The following ASPSCR1 variants were observed in gnomAD, a reference collection of about 807,000 sequenced individuals.
ASPSCR1 encodes the protein tether containing UBX domain for GLUT4.
A neutral mutation model predicts 68.9 loss-of-function variants in ASPSCR1; 55 were observed. The observed-to-expected ratio is 0.80, with a 90% CI of 0.64 to 1.00. The LOEUF (loss-of-function observed/expected upper bound fraction) is 1.00. Ranked by LOEUF, ASPSCR1 falls within the 50% of genes least tolerant of loss-of-function variation. The pLI is 0.00. For missense variants in ASPSCR1, 765 were observed against 762.2 expected, an observed-to-expected ratio of 1.00 and a Z score of -0.04; for synonymous variants, 352 against 332.6, an observed-to-expected ratio of 1.06 and a Z score of -0.63.
intron 2 of ASPSCR1, among the ~76,000 whole-genome samples, chr17:81,981,152 A>G (rs751410953): frequency 1.3e-5 from 2 of 152,314 alleles, no homozygotes; most frequent in Non-Finnish European, 2.9e-5. Flanking sequence ...AAACCGCAAG[A>G]GAGAAGGGCC....
intron 2 of ASPSCR1, among the ~76,000 whole-genome samples, chr17:81,981,511 TGGG>T (rs1172420564): frequency 1.3e-5 from 2 of 152,212 alleles, no homozygotes; most frequent in African/African-American, 4.8e-5. Flanking sequence ...CCCGAGTAGC[TGGG>T]ATTACAGGCG....
At chr17:81,984,539 C>T (rs982522415) in intron 3 of ASPSCR1, among the ~76,000 whole-genome samples, 3 of 151,386 alleles carry the variant, frequency 2.0e-5, no homozygotes, top group Non-Finnish European at 4.4e-5. Flanking sequence ...ATTGTGCTGC[C>T]ACTGCACTCC....
intron 7 of ASPSCR1, among the ~76,000 whole-genome samples, chr17:81,997,404 T>C (rs1237102363): frequency 1.3e-5 from 2 of 151,846 alleles, no homozygotes; most frequent in Non-Finnish European, 2.9e-5. Flanking sequence ...CAATCTGGTC[T>C]GGAATCAAGC....
intron 12 of ASPSCR1, chr17:82,014,568 G>T: frequency 6.2e-6 from 1 of 162,206 alleles, no homozygotes. Context: ...CCTTCCTCCC[G>T]GGCACGGTGG....
chr17:81,989,515 T>A (rs188780858), intron 4 of ASPSCR1, among the ~76,000 whole-genome samples: 2 of 152,278 alleles, frequency 1.3e-5, no homozygotes, highest in East Asian at 3.9e-4. Flanking sequence ...CTTTCATGTG[T>A]TTCGGAGGAG....
At chr17:82,002,828 G>T (rs1207360437) in intron 7 of ASPSCR1, among the ~76,000 whole-genome samples, 2 of 152,072 alleles carry the variant, frequency 1.3e-5, no homozygotes, top group African/African-American at 4.8e-5. Context: ...AAATTGTTAG[G>T]ATTACAGGCG....
intron 7 of ASPSCR1, chr17:82,006,208 AC>A (rs2042712892): frequency 9.8e-6 from 1 of 101,850 alleles, no homozygotes; most frequent in Admixed American, 1.0e-4. Flanking sequence ...TTGCATGTGC[AC>A]AGGTGTGTGT....
intron 5 of ASPSCR1, among the ~76,000 whole-genome samples, chr17:81,995,715 G>C (rs1226781255): frequency 6.6e-6 from 1 of 152,250 alleles, no homozygotes; most frequent in Non-Finnish European, 1.5e-5. Context: ...AGCTCTGCCA[G>C]CCCAGGCCTC....
intron 4 of ASPSCR1, among the ~76,000 whole-genome samples, chr17:81,993,202 T>TTTTTG (rs1160848650): frequency 2.0e-5 from 3 of 152,100 alleles, no homozygotes; most frequent in South Asian, 2.1e-4. Flanking sequence ...CCTGCCCTTT[T>TTTTTG]TTTTGTTTTG....
At chr17:82,015,275 C>T (rs1185256372) in intron 12 of ASPSCR1, 3 of 1,598,276 alleles carry the variant, frequency 1.9e-6, no homozygotes, top group East Asian at 2.2e-5. Flanking sequence ...TCTGCCGACC[C>T]TCCTCTCCAC....
intron 7 of ASPSCR1, chr17:82,005,637 T>G (rs1386255086): frequency 1.3e-5 from 2 of 152,204 alleles, no homozygotes; most frequent in Non-Finnish European, 2.9e-5. Context: ...CCGCTGGCCC[T>G]CCGTCTGCTT....
rs1314682197 is a variant in ASPSCR1, at chr17:82,017,311, A to C, written c.1651A>C (p.Ser551Arg). The C allele has an allele frequency of 6.2e-7, 1 of 1,611,512 alleles. No individual in the cohort carries two copies. Among genetic ancestry groups the C allele is most frequent in the South Asian group, 1.1e-5 (1 of 91,084 alleles). Residue 551 changes from serine to arginine, a missense_variant and splice_region_variant, in exon 16 of 16, where the codon AGC becomes CGC. Coordinates refer to ENST00000306739, the MANE Select transcript of ASPSCR1 (RefSeq NM_024083.4). ...KVPKWLKLPA[S>R]KR ...ACCCTGATGTGTCTGCACTACAGCC[A>C]GCAAGAGGTGAGAGCTGCCAGCCTG...
In ASPSCR1 at chr17:81,983,595, T is replaced by C; in HGVS notation, c.200T>C (p.Phe67Ser). The C allele has an allele frequency of 6.2e-7, 1 of 1,613,588 alleles. No individual in the cohort carries two copies. The highest frequency in any genetic ancestry group is 8.5e-7 in the Non-Finnish European group (1 of 1,179,940). The part of the protein sequence containing the change: ...SVLDLSLQWR[F>S]ANLPNNAKLE... ...CTCGACCTTTCTCTCCAGTGGAGAT[T>C]TGCCAACCTGCCCAACAATGCCAAG... Residue 67 changes from phenylalanine to serine, a missense_variant, in exon 3 of 16, where the codon TTT becomes TCT. Physicochemically the swap from Phe to Ser is radical, Grantham distance 155. Transcript: ENST00000306739. This position sits in a 1 kb window ranked among gnomAD's most constrained non-coding sequence, Gnocchi z 4.4.
At chr17:81,985,710 G>A in intron 4 of ASPSCR1, 103 bp downstream of exon 4, 4 of 1,161,326 alleles carry the variant, frequency 3.4e-6, no homozygotes. Flanking sequence ...CTCTGTGCTG[G>A]CCTGTGGTGC....
chr17:81,997,489 T>G (rs1170617604), intron 7 of ASPSCR1, among the ~76,000 whole-genome samples: 17 of 144,076 alleles, frequency 1.2e-4, no homozygotes, highest in African/African-American at 3.3e-4. Flanking sequence ...TTTTCTGGGT[T>G]TTTTTTTTTT....
chr17:81,985,393 C>A (rs56325683), intron 3 of ASPSCR1, 114 bp from the exon 4 acceptor site: 51,226 of 1,124,872 alleles, frequency 0.046, 2,703 homozygotes, highest in African/African-American at 0.21. Context: ...CAGCCTCTCC[C>A]TGGAGGCCAG....
At chr17:82,014,406 CTG>C (rs1029984534) in intron 12 of ASPSCR1, 2 of 154,186 alleles carry the variant, frequency 1.3e-5, no homozygotes, top group Non-Finnish European at 2.9e-5. Flanking sequence ...CACTCCCGCT[CTG>C]TGGGTGGATG....
At chr17:81,991,774 C>T (rs1462592502) in intron 4 of ASPSCR1, among the ~76,000 whole-genome samples, 2 of 152,240 alleles carry the variant, frequency 1.3e-5, no homozygotes, top group Admixed American at 1.3e-4. Flanking sequence ...GGCCTGCAGC[C>T]ACAGCTTCTG....
chr17:82,014,979 G>A (rs2043072297), intron 12 of ASPSCR1: 9 of 1,364,178 alleles, frequency 6.6e-6, no homozygotes, highest in Non-Finnish European at 6.9e-6. Flanking sequence ...GGACAGTGCT[G>A]GTGGGGAGAG....
Sources: allele counts gnomAD v4.1 joint callset (sites outside exome capture counted in the v4.1 genomes callset), GRCh38; gene constraint gnomAD v4.1.1; non-coding constraint Gnocchi (gnomAD v3.1); transcripts MANE v1.5; gene names NCBI Gene and HGNC (gene_info 2026-07-23, HGNC 2026-07-21).